Variants in BRD9 observed in about 807,000 individuals in gnomAD.
The protein encoded by BRD9 is bromodomain containing 9, also known as bromodomain-containing protein 9.
BRD9 carries 47 observed loss-of-function variants against 68.7 expected under a neutral mutation model. The observed-to-expected ratio is 0.68, with a 90% CI of 0.54 to 0.87. The LOEUF (loss-of-function observed/expected upper bound fraction) is 0.87. Ranked by LOEUF, BRD9 falls within the 40% of genes least tolerant of loss-of-function variation. The probability of loss-of-function intolerance (pLI) is 0.00; values close to 1 mark genes in which losing one functional copy is unlikely to be tolerated. For synonymous variants in BRD9, 313 were observed against 293.9 expected (o/e 1.06, Z -0.67); for missense variants, 670 against 748.4 (o/e 0.90, Z 1.22).
chr5:864,797 G>A (rs867833078), intron 15 of BRD9, among the ~76,000 whole-genome samples: 9 of 152,126 alleles, frequency 5.9e-5, no homozygotes, highest in Non-Finnish European at 4.4e-5. Flanking sequence ...AGGAGAGAAC[G>A]CTCCTTGGCC....
At chr5:870,088 C>T (rs1307549618) in intron 14 of BRD9, among the ~76,000 whole-genome samples, 7 of 152,196 alleles carry the variant, frequency 4.6e-5, no homozygotes, top group Non-Finnish European at 8.8e-5. Context: ...AGAGGGGACC[C>T]GTGGGAAGGG....
At chr5:880,479 G>A (rs1261785611) in intron 9 of BRD9, among the ~76,000 whole-genome samples, 10 of 152,028 alleles carry the variant, frequency 6.6e-5, no homozygotes, top group African/African-American at 2.4e-4. Flanking sequence ...GGAGCTGGGT[G>A]AAAGACCACC....
rs1751756159 is a variant in BRD9, at chr5:881,500, C to T, written c.967-318G>A. ...CAAAATGGAACGGTCAGCAGGTCAG[C>T]ATGGCACTGCCCTGACGGCAGGCGG... On this transcript the variant is annotated intron_variant, in intron 8 of 15. Transcript: ENST00000467963. 3 of 429,048 alleles carry T rather than the reference C, an allele frequency of 7.0e-6. No individual in the cohort carries two copies. In the Admixed American group the frequency reaches 1.2e-4, roughly 17 times the overall value. The allele number at this position is 429,048 out of a possible 1,614,324, so 26.6% of individuals were successfully genotyped here. A position where few individuals can be genotyped will look rare whatever the true frequency, so the allele number is the denominator to read the frequency against.
chr5:881,453 T>TA (rs1319833968), intron 8 of BRD9: 1 of 527,110 alleles, frequency 1.9e-6, no homozygotes, highest in Admixed American at 3.5e-5. Flanking sequence ...AGTAAACATT[T>TA]AAAATTGCTC....
At position 864,291 on chromosome 5, in the gene BRD9, G is replaced by A; in HGVS notation, c.*177C>T. Reference sequence around the variant, plus strand: ...TTCGCGTATGACTCCACTCCTCAGGGTTCGTGGGGCTTGGAGACTCTGCTG... The same window carrying A: ...TTCGCGTATGACTCCACTCCTCAGGATTCGTGGGGCTTGGAGACTCTGCTG... On this transcript the variant is annotated 3_prime_UTR_variant, in exon 16 of 16. Transcript: ENST00000467963. The A allele has an allele frequency of 1.9e-6, 1 of 519,328 alleles. No homozygotes were observed. The highest frequency in any genetic ancestry group is 2.2e-5 in the South Asian group (1 of 44,822). The allele number at this position is 519,328 out of a possible 1,614,324, so 32.2% of individuals were successfully genotyped here.
chr5:885,978 A>C (rs918514696), intron 7 of BRD9, among the ~76,000 whole-genome samples: 1 of 152,174 alleles, frequency 6.6e-6, no homozygotes, highest in Non-Finnish European at 1.5e-5. Context: ...TGGGGTTTAG[A>C]AAAAAAGGAA....
chr5:890,114 T>C, intron 3 of BRD9: 1 of 313,728 alleles, frequency 3.2e-6, no homozygotes, highest in Non-Finnish European at 6.3e-6. Flanking sequence ...GAGGATCGCT[T>C]GAGCCCAGGG....
rs1389816166 is a variant in BRD9, at chr5:891,149, C to T, written c.400+6G>A. On this transcript the variant is annotated splice_donor_region_variant and intron_variant, in intron 3 of 15. Transcript: ENST00000467963. ...ACCAGGAGAGTCTCTAAAAGTGCAC[C>T]CTTGCCTGGCTGTGTCCGGCACGCT... The T allele has an allele frequency of 1.3e-6, 2 of 1,548,248 alleles. No individual in the cohort carries two copies. The highest frequency in any genetic ancestry group is 1.4e-5 in the African/African-American group (1 of 73,116).
rs780165952 is a variant in BRD9, at chr5:870,535, T to G, written c.1463A>C (p.Glu488Ala). 1.9e-6 allele frequency: 3 copies of G among 1,614,050 alleles called. No individual in the cohort carries two copies. The African/African-American group carries it at 4.0e-5, about 22-fold the overall frequency. The change falls in exon 14 of 16, where the codon GAG becomes GCG. Residue 488 changes from glutamate to alanine, a missense_variant. By Grantham distance (107) the Glu-to-Ala change is moderately radical. Coordinates refer to ENST00000467963, the MANE Select transcript of BRD9 (RefSeq NM_023924.5). Reference protein sequence around the residue: ...TLGDSSSSVLEFMSMKSYPDV... With the variant: ...TLGDSSSSVLAFMSMKSYPDV... ...GGGATAGGACTTCATCGACATGAAC[T>G]CCAGAACAGAGCTGCTGCTGTCTCC...
chr5:864,898 C>T (rs569407756), intron 15 of BRD9, among the ~76,000 whole-genome samples: 2 of 152,312 alleles, frequency 1.3e-5, no homozygotes, highest in East Asian at 3.9e-4. Context: ...TACGGCCCTC[C>T]AAAGCCTGCT....
At position 889,072 on chromosome 5, in the gene BRD9, G is replaced by C. The variant is rs757002838; in HGVS notation, c.555C>G (p.Thr185=). The C allele has an allele frequency of 1.2e-6, 2 of 1,610,370 alleles. No individual in the cohort carries two copies. Among genetic ancestry groups the C allele is most frequent in the Admixed American group, 3.4e-5 (2 of 59,188 alleles). The stretch of plus-strand genomic sequence containing the variant: ...CATTAGCTACAATTTTGTCTTTCAT[G>C]GTGCCAAAATCCATGGGATGTTTTA... The part of the protein sequence containing the change: ...MIIKHPMDFG[T]MKDKIVANEY... Residue 185 remains threonine, a synonymous_variant, in exon 5 of 16, where the codon ACC becomes ACG. Transcript: ENST00000467963.
chr5:875,410 T>C (rs1238200464), intron 12 of BRD9, among the ~76,000 whole-genome samples: 1 of 151,670 alleles, frequency 6.6e-6, no homozygotes, highest in Non-Finnish European at 1.5e-5. Context: ...TGCAGTGGCA[T>C]GATCTCGGCT....
At position 864,581 on chromosome 5, in the gene BRD9, G is replaced by C. The variant is rs368965233; in HGVS notation, c.1694-13C>G. 44 of 1,611,640 alleles carry C rather than the reference G, an allele frequency of 2.7e-5. No homozygotes were observed. Among genetic ancestry groups the C allele is most frequent in the Non-Finnish European group, 3.5e-5 (41 of 1,178,254 alleles). ...CGAGAAGGGCTTCCTGCAATTTTCA[G>C]AACACAGGACTTCAACACACAGGAC... is the stretch of plus-strand genomic sequence containing the variant. On this transcript the variant is annotated splice_polypyrimidine_tract_variant and intron_variant, in intron 15 of 15. Coordinates refer to ENST00000467963, the MANE Select transcript of BRD9 (RefSeq NM_023924.5).
At chr5:864,672 A>G in intron 15 of BRD9, 104 bp from the exon 16 acceptor site, 1 of 916,596 alleles carries the variant, frequency 1.1e-6, no homozygotes, top group Non-Finnish European at 1.7e-6. Context: ...GCCAGGGCTC[A>G]GGGACTCCCA....
chr5:877,348 C>T (rs1314417080), intron 11 of BRD9, among the ~76,000 whole-genome samples: 3 of 152,218 alleles, frequency 2.0e-5, no homozygotes, highest in African/African-American at 4.8e-5. Context: ...CCCATCGTCT[C>T]CTACTAGAAT....
At chr5:875,208 C>T (rs1750727207) in intron 12 of BRD9, among the ~76,000 whole-genome samples, 1 of 152,216 alleles carries the variant, frequency 6.6e-6, no homozygotes, top group Admixed American at 6.5e-5. Flanking sequence ...TCTTCTTCTT[C>T]CTTTTCTTTT....
At chr5:871,757 C>T (rs182788405) in intron 12 of BRD9, among the ~76,000 whole-genome samples, 193 bp from the exon 13 acceptor site, 2 of 152,374 alleles carry the variant, frequency 1.3e-5, no homozygotes, top group East Asian at 1.9e-4. Flanking sequence ...GACCCAACCA[C>T]GCCCAGCCCC....
intron 14 of BRD9, chr5:865,809 A>T: frequency 1.9e-6 from 1 of 518,614 alleles, no homozygotes; most frequent in Non-Finnish European, 3.4e-6. Flanking sequence ...TTGCTCAAGC[A>T]AAGCATCAGA....
Position 887,488 on chromosome 5 carries a change from A to C in BRD9, c.607-17T>G, listed in dbSNP as rs139290930. The C allele has an allele frequency of 1.9e-6, 3 of 1,591,728 alleles. No individual in the cohort carries two copies. The highest frequency in any genetic ancestry group is 3.3e-5 in the Admixed American group (2 of 59,980). On this transcript the variant is annotated splice_polypyrimidine_tract_variant and intron_variant, in intron 5 of 15. Transcript: ENST00000467963. Reference sequence around the variant, plus strand: ...GAAATCTGCCTGAAAAGAAAACAGGAAAGACTTATCAGGTTTGAAATGCCA... The same window carrying C: ...GAAATCTGCCTGAAAAGAAAACAGGCAAGACTTATCAGGTTTGAAATGCCA...
Sources: gnomAD v4.1 joint callset for allele counts (sites outside exome capture counted in the v4.1 genomes callset) on GRCh38, gnomAD v4.1.1 for gene constraint, MANE v1.5 for transcripts, NCBI Gene and HGNC (gene_info 2026-07-23, HGNC 2026-07-21) for gene names.